SBF2: variants seen among roughly 807,000 people sequenced by gnomAD.
The protein encoded by SBF2 is myotubularin-related protein 13.
In SBF2, 112 loss-of-function variants were observed where a neutral mutation model predicts 225.2. The ratio of observed to expected loss-of-function variants is 0.50; its 90% confidence interval spans 0.43 to 0.58. The LOEUF is 0.58. Among genes scored for constraint, SBF2 ranks in the 20% least tolerant of loss-of-function variants. SBF2 has a pLI of 0.00. For synonymous variants in SBF2, 763 were observed against 773.3 expected (o/e 0.99, Z 0.22); for missense variants, 1,996 against 2,206.2 (o/e 0.90, Z 1.91).
At chr11:9,909,308 T>C (rs759229133) in intron 16 of SBF2, among the ~76,000 whole-genome samples, 2 of 149,752 alleles carry the variant, frequency 1.3e-5, no homozygotes, top group Non-Finnish European at 3.0e-5. Flanking sequence ...TTTACCCCCA[T>C]ACTTTCTCTC....
In SBF2 at chr11:9,989,165, C is replaced by T. The variant is rs540561752; in HGVS notation, c.1395+332G>A. Among the ~76,000 whole-genome samples the T allele has an allele frequency of 1.9e-4, 29 of 152,076 alleles. No individual in the cohort carries two copies. In the East Asian group the frequency reaches 5.4e-3, roughly 28 times the overall value. On this transcript the variant is annotated intron_variant, in intron 13 of 39. Transcript: ENST00000256190. ...GCAGTAACCTGGATGAGATAGGAGACTATTATTCTAAGTGATGTAACTCAG... is the reference window on the plus strand; with the variant it reads ...GCAGTAACCTGGATGAGATAGGAGATTATTATTCTAAGTGATGTAACTCAG...
At chr11:10,153,373 C>G (rs996422719) in intron 2 of SBF2, among the ~76,000 whole-genome samples, 1 of 152,018 alleles carries the variant, frequency 6.6e-6, no homozygotes, top group Non-Finnish European at 1.5e-5. Flanking sequence ...CAGTTAAATT[C>G]AAAACCAATT....
rs374510086 is a variant in SBF2, at chr11:9,784,512, G to A, written c.5232-74C>T. On this transcript the variant is annotated intron_variant, in intron 37 of 39. Transcript: ENST00000256190. ...ATGCTGTAAAGGGGAGGGGATATCT[G>A]TTGTTTTTGTCAAGTCTCTATTTCC... 8.1e-5 allele frequency: 95 copies of A among 1,179,076 alleles called. No homozygotes were observed. In the African/African-American group the frequency reaches 1.2e-3, roughly 15 times the overall value. 73.0% of individuals were successfully genotyped at this position (1,179,076 alleles called of 1,614,324 possible).
intron 16 of SBF2, among the ~76,000 whole-genome samples, chr11:9,909,922 T>C (rs1445141232): frequency 2.6e-5 from 4 of 152,182 alleles, no homozygotes; most frequent in Non-Finnish European, 2.9e-5. Context: ...AGAAATGATA[T>C]ATATTTTAAT....
chr11:10,171,255 A>C (rs2135245924), intron 2 of SBF2, among the ~76,000 whole-genome samples: 1 of 152,274 alleles, frequency 6.6e-6, no homozygotes, highest in East Asian at 1.9e-4. Flanking sequence ...CCCCCCATTC[A>C]TAATGATATT....
intron 30 of SBF2, chr11:9,810,938 A>G (rs754866415): frequency 2.0e-5 from 3 of 152,254 alleles, no homozygotes; most frequent in Non-Finnish European, 2.9e-5. Context: ...ACTATTCACA[A>G]TAGCAAAGAC....
At chr11:10,059,120 G>C (rs1276918354) in intron 2 of SBF2, among the ~76,000 whole-genome samples, 1 of 152,086 alleles carries the variant, frequency 6.6e-6, no homozygotes, top group African/African-American at 2.4e-5. Context: ...ATAATAACCA[G>C]CTAACAGTAC....
At position 9,963,365 on chromosome 11, in the gene SBF2, T is replaced by C. The variant is rs1456830160; in HGVS notation, c.1710+408A>G. 7.2e-5 allele frequency among the ~76,000 whole-genome samples: 11 copies of C among 152,260 alleles called. No individual in the cohort carries two copies. The East Asian group carries it at 2.1e-3, about 29-fold the overall frequency. On this transcript the variant is annotated intron_variant, in intron 15 of 39. Transcript: ENST00000256190. ...CTGTAGTCCCAGCTACTTGGGAGGCTGAGGCAGGAGAATCGCTTGAACTTG... is the reference window on the plus strand; with the variant it reads ...CTGTAGTCCCAGCTACTTGGGAGGCCGAGGCAGGAGAATCGCTTGAACTTG...
intron 27 of SBF2, among the ~76,000 whole-genome samples, chr11:9,830,744 A>AC (rs942550290): frequency 7.1e-6 from 1 of 141,208 alleles, no homozygotes; most frequent in Non-Finnish European, 1.5e-5. Flanking sequence ...CAGCTCAAAA[A>AC]CAAAAAAAAA....
intron 17 of SBF2, among the ~76,000 whole-genome samples, chr11:9,873,128 C>T (rs2134055950): frequency 6.7e-6 from 1 of 148,712 alleles, no homozygotes; most frequent in South Asian, 2.1e-4. Flanking sequence ...ATCGCTTGAA[C>T]CCGGGAGGTG....
intron 22 of SBF2, among the ~76,000 whole-genome samples, chr11:9,847,801 G>C (rs1291081176): frequency 1.1e-4 from 16 of 152,142 alleles, no homozygotes; most frequent in Non-Finnish European, 1.2e-4. Context: ...CTCCCTTGAA[G>C]AGCTTCCAAT....
intron 33 of SBF2, among the ~76,000 whole-genome samples, chr11:9,792,166 T>C (rs1168483574): frequency 2.0e-5 from 3 of 152,168 alleles, no homozygotes; most frequent in African/African-American, 7.2e-5. Flanking sequence ...GTGCGGTGGC[T>C]CACATCTGTA....
At chr11:10,077,023 T>C (rs1187884710) in intron 2 of SBF2, among the ~76,000 whole-genome samples, 1 of 152,122 alleles carries the variant, frequency 6.6e-6, no homozygotes, top group African/African-American at 2.4e-5. Flanking sequence ...GTCAAGCATA[T>C]TGCCACCACC....
chr11:9,842,627 G>C lies in SBF2; in HGVS notation c.3254C>G (p.Ser1085Cys). ...AGGAAATTCAAGTTTTCACATACCAGATACATCATCATCTTCATTCCATCC... is the reference window on the plus strand; with the variant it reads ...AGGAAATTCAAGTTTTCACATACCACATACATCATCATCTTCATTCCATCC... ...RPGWNEDDDV[S>C]VSDESELPTS... The change falls in exon 25 of 40, where the codon TCT (serine) becomes TGT (cysteine). Residue 1085 changes from serine (S) to cysteine (C), a missense_variant and splice_region_variant. Coordinates refer to ENST00000256190, the MANE Select transcript of SBF2 (RefSeq NM_030962.4). 6.2e-7 allele frequency: 1 copy of C among 1,613,816 alleles called. No individual in the cohort carries two copies. Among genetic ancestry groups the C allele is most frequent in the Non-Finnish European group, 8.5e-7 (1 of 1,179,852 alleles).
chr11:9,890,765 T>C (rs968520887), intron 17 of SBF2, among the ~76,000 whole-genome samples: 1 of 152,082 alleles, frequency 6.6e-6, no homozygotes, highest in African/African-American at 2.4e-5. Context: ...AGGAAACCCT[T>C]TGGAATACCC....
chr11:9,849,428 T>C (rs972956545), intron 22 of SBF2, among the ~76,000 whole-genome samples: 10 of 152,190 alleles, frequency 6.6e-5, no homozygotes, highest in African/African-American at 2.4e-4. Flanking sequence ...AAGAAGATAA[T>C]GTAGATTACT....
chr11:10,144,595 G>C (rs1232445342), intron 2 of SBF2, among the ~76,000 whole-genome samples: 2 of 152,200 alleles, frequency 1.3e-5, no homozygotes, highest in Non-Finnish European at 2.9e-5. Flanking sequence ...GCTTCTGGCA[G>C]AATGTACATG....
intron 2 of SBF2, among the ~76,000 whole-genome samples, chr11:10,106,136 T>C (rs1952540495): frequency 1.3e-5 from 2 of 152,186 alleles, no homozygotes; most frequent in Non-Finnish European, 2.9e-5. Flanking sequence ...ATCTTGCAAG[T>C]AGTGAACATA....
chr11:10,236,016 A>G (rs1455235318), intron 1 of SBF2, among the ~76,000 whole-genome samples: 6 of 152,212 alleles, frequency 3.9e-5, no homozygotes, highest in Non-Finnish European at 7.3e-5. Context: ...GGCTGCAGTG[A>G]GCCGCAATTC....
Sources: allele counts gnomAD v4.1 joint callset (sites outside exome capture counted in the v4.1 genomes callset), GRCh38; gene constraint gnomAD v4.1.1; transcripts MANE v1.5; gene names NCBI Gene and HGNC (gene_info 2026-07-23, HGNC 2026-07-21).